IGFBP7: variants seen among roughly 807,000 people sequenced by gnomAD.
IGFBP7 encodes the protein insulin like growth factor binding protein 7.
Under a neutral mutation model 29.4 loss-of-function variants are expected in IGFBP7, and 31 were observed. The observed-to-expected ratio is 1.05, with a 90% CI of 0.79 to 1.42. IGFBP7 has a LOEUF of 1.42. Among genes scored for constraint, IGFBP7 ranks in the 40% most tolerant of loss-of-function variants. IGFBP7 has a pLI of 0.00. For synonymous variants in IGFBP7, 172 were observed against 174.9 expected (o/e 0.98, Z 0.13); for missense variants, 393 against 395.5 (o/e 0.99, Z 0.05).
chr4:57,050,512 T>C (rs1724478684), intron 1 of IGFBP7, among the ~76,000 whole-genome samples: 1 of 152,104 alleles, frequency 6.6e-6, no homozygotes, highest in Non-Finnish European at 1.5e-5. Context: ...CCCAAAGAGC[T>C]AGGATTAAAG....
chr4:57,049,100 C>T (rs932136289), intron 1 of IGFBP7, among the ~76,000 whole-genome samples: 5 of 151,984 alleles, frequency 3.3e-5, no homozygotes, highest in African/African-American at 4.8e-5. Context: ...TACCTAAACA[C>T]GATGTATGTG....
At chr4:57,059,758 T>A (rs991087785) in intron 1 of IGFBP7, among the ~76,000 whole-genome samples, 14 of 152,140 alleles carry the variant, frequency 9.2e-5, no homozygotes, top group Non-Finnish European at 1.6e-4. Flanking sequence ...AAACTTTTTT[T>A]AAAAAAGAAT....
At chr4:57,064,209 C>T (rs1724865434) in intron 1 of IGFBP7, among the ~76,000 whole-genome samples, 1 of 152,166 alleles carries the variant, frequency 6.6e-6, no homozygotes, top group South Asian at 2.1e-4. Context: ...TAAAATTTAG[C>T]TGGGTGTGAA....
chr4:57,105,145 C>T (rs1725992382), intron 1 of IGFBP7, among the ~76,000 whole-genome samples: 1 of 152,190 alleles, frequency 6.6e-6, no homozygotes, highest in South Asian at 2.1e-4. Context: ...CAAGGCCTTG[C>T]TGTTCCCTTT....
chr4:57,051,388 C>A (rs548390303), intron 1 of IGFBP7, among the ~76,000 whole-genome samples: 21 of 152,314 alleles, frequency 1.4e-4, no homozygotes, highest in Admixed American at 1.0e-3. Context: ...GAAAGTACAA[C>A]AGCTTAAGCA....
At chr4:57,068,215 G>C (rs1410672524) in intron 1 of IGFBP7, among the ~76,000 whole-genome samples, 1 of 151,620 alleles carries the variant, frequency 6.6e-6, no homozygotes, top group East Asian at 1.9e-4. Context: ...GCTTGAGCCT[G>C]GGAGGTGGAG....
chr4:57,053,111 G>A lies in IGFBP7; in HGVS notation c.476-12178C>T, dbSNP rs146738633. ...GGCTCACTGCAGCCCCTGCCTCCCAGGTTCAAGCAGTTCTCCTGCCTCAGC... is the reference window on the plus strand; with the variant it reads ...GGCTCACTGCAGCCCCTGCCTCCCAAGTTCAAGCAGTTCTCCTGCCTCAGC... On this transcript the variant is annotated intron_variant, in intron 1 of 4. Transcript: ENST00000295666. Among the ~76,000 whole-genome samples the A allele has an allele frequency of 2.2e-3, 338 of 150,964 alleles. 2 individuals are homozygous for A. Among genetic ancestry groups the A allele is most frequent in the African/African-American group, 7.6e-3 (310 of 41,032 alleles).
chr4:57,050,464 C>T (rs966457563), intron 1 of IGFBP7, among the ~76,000 whole-genome samples: 4 of 151,838 alleles, frequency 2.6e-5, no homozygotes, highest in South Asian at 4.2e-4. Context: ...AGGCTGGTCT[C>T]GAACTCCTGA....
At chr4:57,081,588 A>T (rs1468604720) in intron 1 of IGFBP7, among the ~76,000 whole-genome samples, 1 of 151,968 alleles carries the variant, frequency 6.6e-6, no homozygotes, top group South Asian at 2.1e-4. Context: ...TGCAGAAATC[A>T]TTTGGTGCGG....
chr4:57,075,699 C>T (rs1725205191), intron 1 of IGFBP7, among the ~76,000 whole-genome samples: 1 of 151,488 alleles, frequency 6.6e-6, no homozygotes, highest in South Asian at 2.1e-4. Flanking sequence ...AACACAACAG[C>T]TAAAAAAAGC....
At chr4:57,034,740 G>A (rs1252643013) in intron 2 of IGFBP7, among the ~76,000 whole-genome samples, 1 of 152,102 alleles carries the variant, frequency 6.6e-6, no homozygotes, top group Non-Finnish European at 1.5e-5. Context: ...CAAACCACAT[G>A]TGATCTAGGC....
intron 1 of IGFBP7, among the ~76,000 whole-genome samples, chr4:57,048,522 A>T (rs138451162): frequency 1.1e-3 from 167 of 152,368 alleles, no homozygotes; most frequent in African/African-American, 3.8e-3. Context: ...GAGTTGGTTC[A>T]GAAGAATTTA....
chr4:57,032,589 G>A lies in IGFBP7; in HGVS notation c.703-37C>T, dbSNP rs369849756. Reference sequence around the variant, plus strand: ...AAAAGATCTAGTATTCCTCTGTGGTGGTCTTCTCTTTTGTCAGTGGTTCCA... The same window carrying A: ...AAAAGATCTAGTATTCCTCTGTGGTAGTCTTCTCTTTTGTCAGTGGTTCCA... On this transcript the variant is annotated intron_variant, in intron 3 of 4. Transcript: ENST00000295666. The A allele has an allele frequency of 6.2e-5, 95 of 1,521,578 alleles. 1 individual carries two copies. In the African/African-American group the frequency reaches 9.0e-4, roughly 14 times the overall value. 94.3% of individuals were successfully genotyped at this position (1,521,578 alleles called of 1,614,324 possible). A position where few individuals can be genotyped will look rare whatever the true frequency, so the allele number is the denominator to read the frequency against.
At chr4:57,069,352 G>C (rs1251415499) in intron 1 of IGFBP7, among the ~76,000 whole-genome samples, 3 of 152,192 alleles carry the variant, frequency 2.0e-5, no homozygotes, top group Admixed American at 2.0e-4. Flanking sequence ...GCTTTGGGAG[G>C]CCGAGGTGAG....
intron 1 of IGFBP7, among the ~76,000 whole-genome samples, chr4:57,050,766 C>T (rs1486103758): frequency 6.6e-6 from 1 of 151,310 alleles, no homozygotes; most frequent in South Asian, 2.1e-4. Context: ...CTTTGTTGCC[C>T]AGGCTGGTCT....
chr4:57,108,756 T>A (rs1726099458), intron 1 of IGFBP7, among the ~76,000 whole-genome samples: 1 of 152,016 alleles, frequency 6.6e-6, no homozygotes, highest in African/African-American at 2.4e-5. Context: ...ACCGTGTTGG[T>A]CAGGCTGATC....
At chr4:57,096,259 G>A (rs1321398395) in intron 1 of IGFBP7, among the ~76,000 whole-genome samples, 1 of 147,116 alleles carries the variant, frequency 6.8e-6, no homozygotes, top group Non-Finnish European at 1.5e-5. Context: ...GTTTTCTAGG[G>A]CTTACACTTC....
chr4:57,090,894 C>G (rs574497740), intron 1 of IGFBP7, among the ~76,000 whole-genome samples: 1 of 152,240 alleles, frequency 6.6e-6, no homozygotes, highest in South Asian at 2.1e-4. Context: ...TTTATTTGAT[C>G]ACCTTTTCTA....
chr4:57,056,795 T>G (rs1613020), intron 1 of IGFBP7, among the ~76,000 whole-genome samples: 149,697 of 152,340 alleles, frequency 0.98, 73,594 homozygotes, highest in East Asian at 1. Flanking sequence ...GAGATTGCAG[T>G]GGCATGGAAA....
Sources: gnomAD v4.1 joint callset for allele counts (sites outside exome capture counted in the v4.1 genomes callset) on GRCh38, gnomAD v4.1.1 for gene constraint, MANE v1.5 for transcripts, NCBI Gene and HGNC (gene_info 2026-07-23, HGNC 2026-07-21) for gene names.